MAST4: variants seen among roughly 807,000 people sequenced by gnomAD.
MAST4 encodes microtubule associated serine/threonine kinase family member 4.
In MAST4, 89 loss-of-function variants were observed where a neutral mutation model predicts 162.7. The observed-to-expected ratio is 0.55, with a 90% confidence interval of 0.46 to 0.65. The LOEUF (loss-of-function observed/expected upper bound fraction) is 0.65. Ranked by LOEUF, MAST4 falls within the 30% of genes least tolerant of loss-of-function variation. The probability of loss-of-function intolerance (pLI) is 0.00; values close to 1 mark genes in which losing one functional copy is unlikely to be tolerated. For synonymous variants in MAST4, 1,479 were observed against 1,361.1 expected, an observed-to-expected ratio of 1.09 and a Z score of -1.91; for missense variants, 3,153 against 3,374.0, an observed-to-expected ratio of 0.93 and a Z score of 1.62.
intron 14 of MAST4, among the ~76,000 whole-genome samples, chr5:67,129,839 A>C (rs1768741567): frequency 6.6e-6 from 1 of 152,184 alleles, no homozygotes; most frequent in Admixed American, 6.5e-5. Flanking sequence ...TATGTGTGTA[A>C]CTTTGTTAAT....
At chr5:66,914,436 G>A (rs1763973077) in intron 4 of MAST4, among the ~76,000 whole-genome samples, 1 of 152,198 alleles carries the variant, frequency 6.6e-6, no homozygotes, top group Non-Finnish European at 1.5e-5. Context: ...GTAGTTGGGT[G>A]GGTGGTTCAG....
chr5:66,701,826 T>TA (rs397945349), intron 1 of MAST4, among the ~76,000 whole-genome samples: 105 of 152,126 alleles, frequency 6.9e-4, no homozygotes, highest in African/African-American at 2.2e-3. Context: ...GGATTTTTTT[T>TA]AATGAAAATT....
chr5:66,973,494 C>G (rs1200147700), intron 4 of MAST4, among the ~76,000 whole-genome samples: 1 of 152,004 alleles, frequency 6.6e-6, no homozygotes, highest in Non-Finnish European at 1.5e-5. Flanking sequence ...ACATATTTGC[C>G]AAGAACAGGT....
intron 26 of MAST4, among the ~76,000 whole-genome samples, chr5:67,154,939 G>A (rs1385660543): frequency 6.6e-6 from 1 of 152,216 alleles, no homozygotes. Flanking sequence ...GCCTTCATTG[G>A]TTTAACAGCA....
Position 67,164,411 on chromosome 5 carries a change from C to T in MAST4, c.5232C>T (p.Ser1744=), listed in dbSNP as rs1263052570. Residue 1744 remains serine (S), a synonymous_variant, in exon 29 of 29, where the codon AGC becomes AGT. Coordinates refer to ENST00000403625, the MANE Select transcript of MAST4 (RefSeq NM_001164664.2). The surrounding 1 kb of genome is among the most constrained non-coding windows in gnomAD (Gnocchi z 5.3). ...CTGAGAGCCGAGCTTTTGTCAGCAG[C>T]ACCCATGCAGCTCAGATGAGTGCCG... is the stretch of plus-strand genomic sequence containing the variant. The part of the protein sequence containing the change: ...PASESRAFVS[S]THAAQMSAVS... 1 of 1,614,042 alleles carries T rather than the reference C, an allele frequency of 6.2e-7. No individual in the cohort carries two copies. The highest frequency in any genetic ancestry group is 1.3e-5 in the African/African-American group (1 of 75,064).
chr5:66,621,922 CTCAACTCTGCCACTGTAG>C (rs534381077), intron 1 of MAST4, among the ~76,000 whole-genome samples: 31 of 152,272 alleles, frequency 2.0e-4, no homozygotes, highest in Middle Eastern at 3.4e-3. Flanking sequence ...GTCGCAACTA[CTCAACTCTGCCACTGTAG>C]TGTGAGAGCA....
chr5:66,799,989 ATATTAAC>A (rs1755837599), intron 3 of MAST4, among the ~76,000 whole-genome samples: 1 of 152,226 alleles, frequency 6.6e-6, no homozygotes. Flanking sequence ...AACACAATAA[ATATTAAC>A]TATTATTGTC....
intron 4 of MAST4, among the ~76,000 whole-genome samples, chr5:66,998,668 C>T (rs978632007): frequency 2.0e-4 from 30 of 152,310 alleles, no homozygotes; most frequent in South Asian, 2.1e-4. Flanking sequence ...CTGCCCACCC[C>T]TTCACCCCCA....
At chr5:67,142,763 A>G (rs1026614559) in intron 21 of MAST4, 5 of 420,070 alleles carry the variant, frequency 1.2e-5, no homozygotes, top group African/African-American at 1.0e-4. Context: ...GACAACAGAG[A>G]TTCAGATAGC....
At chr5:67,049,020 T>TAC (rs1757745985) in intron 4 of MAST4, among the ~76,000 whole-genome samples, 3 of 102,924 alleles carry the variant, frequency 2.9e-5, no homozygotes, top group South Asian at 2.9e-4. Context: ...TATATATATA[T>TAC]ACGTATATAT....
At chr5:67,008,996 C>T (rs902087186) in intron 4 of MAST4, among the ~76,000 whole-genome samples, 2 of 152,090 alleles carry the variant, frequency 1.3e-5, no homozygotes, top group African/African-American at 2.4e-5. Context: ...CCCTGGTATT[C>T]CAGGTGTTAG....
Position 66,685,448 on chromosome 5 carries a change from G to A in MAST4, c.364-74261G>A, listed in dbSNP as rs553336038. Among the ~76,000 whole-genome samples the A allele has an allele frequency of 1.3e-4, 20 of 152,042 alleles. No individual in the cohort carries two copies. The East Asian group carries it at 1.4e-3, about 10-fold the overall frequency. ...AGAAATTCATAGGGATTAACAAAAC[G>A]TTTGCAGAATTGTTTTAATGGAGAC... On this transcript the variant is annotated intron_variant, in intron 1 of 28. Transcript: ENST00000403625.
chr5:66,633,886 G>A (rs954741936), intron 1 of MAST4, among the ~76,000 whole-genome samples: 3 of 152,074 alleles, frequency 2.0e-5, no homozygotes, highest in South Asian at 2.1e-4. Context: ...GTGCAAGGCC[G>A]TCAGCTTGCA....
At chr5:66,838,431 T>G (rs1758183041) in intron 3 of MAST4, among the ~76,000 whole-genome samples, 1 of 152,208 alleles carries the variant, frequency 6.6e-6, no homozygotes, top group Non-Finnish European at 1.5e-5. Flanking sequence ...GAACTGTTTG[T>G]GTCAGAGAAC....
intron 3 of MAST4, among the ~76,000 whole-genome samples, chr5:66,812,063 G>A (rs1295701849): frequency 6.6e-6 from 1 of 152,126 alleles, no homozygotes; most frequent in Non-Finnish European, 1.5e-5. Context: ...TCGGGAGGGA[G>A]AGAACCGCAA....
At position 66,894,999 on chromosome 5, in the gene MAST4, G is replaced by C. The variant is rs2216719; in HGVS notation, c.643-4952G>C. On this transcript the variant is annotated intron_variant, in intron 3 of 28. Coordinates refer to ENST00000403625, the MANE Select transcript of MAST4 (RefSeq NM_001164664.2). ...TGGGGGCAGTTAGAGATTCTTCCTG[G>C]AGGCTGAGCTCCCACTCAGTGTTCA... Among the ~76,000 whole-genome samples, 1,137 of 152,216 alleles carry C rather than the reference G, an allele frequency of 7.5e-3. 18 individuals are homozygous for C. The highest frequency in any genetic ancestry group is 0.026 in the African/African-American group (1,075 of 41,506).
intron 3 of MAST4, among the ~76,000 whole-genome samples, chr5:66,894,680 T>C (rs984653362): frequency 1.3e-5 from 2 of 152,220 alleles, no homozygotes; most frequent in South Asian, 2.1e-4. Flanking sequence ...TTGAAATTCA[T>C]TGGTGTCAGG....
chr5:66,617,539 TA>T (rs921247437), intron 1 of MAST4, among the ~76,000 whole-genome samples: 2 of 152,180 alleles, frequency 1.3e-5, no homozygotes, highest in Non-Finnish European at 2.9e-5. Context: ...CAGTTACTTT[TA>T]AAAATGTAAA....
At chr5:67,138,294 A>G (rs1241617378) in intron 19 of MAST4, among the ~76,000 whole-genome samples, 1 of 152,200 alleles carries the variant, frequency 6.6e-6, no homozygotes, top group African/African-American at 2.4e-5. Flanking sequence ...CTCATTAACA[A>G]GTTTTATCTT....
Sources: gnomAD v4.1 joint callset for allele counts (sites outside exome capture counted in the v4.1 genomes callset) on GRCh38, gnomAD v4.1.1 for gene constraint, Gnocchi (gnomAD v3.1) non-coding constraint, MANE v1.5 for transcripts, NCBI Gene and HGNC (gene_info 2026-07-23, HGNC 2026-07-21) for gene names.